The following SLC10A7 variants were observed in gnomAD, a reference collection of about 807,000 sequenced individuals.
SLC10A7 encodes the protein solute carrier family 10 member 7, also known as sodium/bile acid cotransporter 7.
SLC10A7 carries 29 observed loss-of-function variants against 43.2 expected under a neutral mutation model. The observed-to-expected ratio is 0.67, with a 90% confidence interval of 0.50 to 0.92. SLC10A7 has a LOEUF of 0.92. SLC10A7 is among the 40% of genes least tolerant of loss of function. The pLI is 0.00. For missense variants in SLC10A7, 295 were observed against 403.2 expected, an observed-to-expected ratio of 0.73 and a Z score of 2.30; for synonymous variants, 152 against 144.8, an observed-to-expected ratio of 1.05 and a Z score of -0.35.
chr4:146,385,952 T>C (rs752089324), intron 5 of SLC10A7, among the ~76,000 whole-genome samples: 3 of 152,242 alleles, frequency 2.0e-5, no homozygotes, highest in Non-Finnish European at 2.9e-5. Context: ...ATAGTGTATA[T>C]GTACCACATT....
chr4:146,301,933 C>T (rs1312861043), intron 7 of SLC10A7, among the ~76,000 whole-genome samples: 2 of 152,184 alleles, frequency 1.3e-5, no homozygotes, highest in African/African-American at 2.4e-5. Context: ...TTTTGACTAC[C>T]ATTATTACTT....
At chr4:146,313,582 T>C (rs1410983613) in intron 6 of SLC10A7, among the ~76,000 whole-genome samples, 1 of 152,136 alleles carries the variant, frequency 6.6e-6, no homozygotes, top group Non-Finnish European at 1.5e-5. Flanking sequence ...CGTGTGTCCA[T>C]TAATTATGCA....
intron 5 of SLC10A7, among the ~76,000 whole-genome samples, chr4:146,379,301 T>C (rs551611253): frequency 6.6e-6 from 1 of 152,356 alleles, no homozygotes; most frequent in African/African-American, 2.4e-5. Flanking sequence ...TGACCATCTT[T>C]AACACATATA....
At chr4:146,297,522 C>A (rs1730866513) in intron 7 of SLC10A7, among the ~76,000 whole-genome samples, 1 of 152,040 alleles carries the variant, frequency 6.6e-6, no homozygotes, top group Non-Finnish European at 1.5e-5. Flanking sequence ...CTTTTTATTT[C>A]TATTATGTCT....
At chr4:146,480,597 G>A (rs541758974) in intron 4 of SLC10A7, among the ~76,000 whole-genome samples, 2 of 151,912 alleles carry the variant, frequency 1.3e-5, no homozygotes, top group Admixed American at 1.3e-4. Flanking sequence ...AAAAAATGAA[G>A]GCTGGTATAT....
intron 2 of SLC10A7, among the ~76,000 whole-genome samples, chr4:146,510,871 C>T (rs1737397957): frequency 6.6e-6 from 1 of 152,160 alleles, no homozygotes; most frequent in Non-Finnish European, 1.5e-5. Context: ...AAAAATATTT[C>T]CCTCAATGAT....
intron 5 of SLC10A7, among the ~76,000 whole-genome samples, chr4:146,389,801 C>A (rs970779258): frequency 6.6e-6 from 1 of 152,164 alleles, no homozygotes; most frequent in Non-Finnish European, 1.5e-5. Context: ...GGCTATGAAA[C>A]CTTGGGCAAA....
At chr4:146,400,021 G>A (rs902469356) in intron 5 of SLC10A7, among the ~76,000 whole-genome samples, 1 of 152,172 alleles carries the variant, frequency 6.6e-6, no homozygotes, top group African/African-American at 2.4e-5. Flanking sequence ...AGGACCCACA[G>A]CCAGGCCTGA....
intron 4 of SLC10A7, among the ~76,000 whole-genome samples, chr4:146,465,119 T>C (rs377188125): frequency 1.3e-5 from 2 of 152,148 alleles, no homozygotes; most frequent in South Asian, 2.1e-4. Flanking sequence ...TCCAACAAAG[T>C]ATCAGACAGC....
chr4:146,324,892 T>A (rs555554461), intron 6 of SLC10A7, among the ~76,000 whole-genome samples: 189 of 152,296 alleles, frequency 1.2e-3, no homozygotes, highest in African/African-American at 4.4e-3. Flanking sequence ...TCTTACCTTG[T>A]CAAAATGGAG....
chr4:146,308,700 GAAGT>G (rs779084039), intron 6 of SLC10A7, among the ~76,000 whole-genome samples: 14 of 152,096 alleles, frequency 9.2e-5, no homozygotes, highest in Non-Finnish European at 1.6e-4. Flanking sequence ...GGCAGATTTA[GAAGT>G]AATATGTCTC....
At chr4:146,353,062 A>C (rs1735257897) in intron 5 of SLC10A7, among the ~76,000 whole-genome samples, 1 of 151,730 alleles carries the variant, frequency 6.6e-6, no homozygotes, top group African/African-American at 2.4e-5. Flanking sequence ...GAAATAGAGA[A>C]ACAAAAAACC....
intron 5 of SLC10A7, among the ~76,000 whole-genome samples, chr4:146,351,472 T>A (rs1450744012): frequency 2.6e-5 from 4 of 151,006 alleles, no homozygotes; most frequent in African/African-American, 7.3e-5. Flanking sequence ...CAGGATATTA[T>A]CCAGGAGAAC....
At chr4:146,365,680 A>T (rs547615922) in intron 5 of SLC10A7, among the ~76,000 whole-genome samples, 198 of 152,350 alleles carry the variant, frequency 1.3e-3, no homozygotes, top group African/African-American at 4.6e-3. Context: ...CTGTTCCTCA[A>T]TATTTAGCAA....
chr4:146,303,157 A>T (rs1181699848), intron 7 of SLC10A7, among the ~76,000 whole-genome samples: 1 of 152,090 alleles, frequency 6.6e-6, no homozygotes, highest in Non-Finnish European at 1.5e-5. Flanking sequence ...CACAACTCTG[A>T]GGGGTCATTC....
intron 9 of SLC10A7, among the ~76,000 whole-genome samples, chr4:146,289,864 C>G (rs527979787): frequency 1.3e-5 from 2 of 149,930 alleles, no homozygotes; most frequent in African/African-American, 4.9e-5. Context: ...TACAGGTGCA[C>G]GCCACCACGC....
intron 9 of SLC10A7, among the ~76,000 whole-genome samples, chr4:146,285,987 T>C (rs1389561451): frequency 2.0e-5 from 3 of 147,954 alleles, no homozygotes. Context: ...TGAGAAGGAC[T>C]GTGTTTGGAG....
At chr4:146,441,674 A>C (rs1172702378) in intron 5 of SLC10A7, 1 of 984,370 alleles carries the variant, frequency 1.0e-6, no homozygotes, top group Admixed American at 6.2e-5. Context: ...ATTTTTGTTA[A>C]ACAGACTTTA....
intron 4 of SLC10A7, among the ~76,000 whole-genome samples, chr4:146,483,894 T>A (rs1047857088): frequency 6.6e-6 from 1 of 152,200 alleles, no homozygotes; most frequent in Non-Finnish European, 1.5e-5. Flanking sequence ...AGGTTTTTAT[T>A]AAATGATAAA....
Sources: gnomAD v4.1 joint callset for allele counts (sites outside exome capture counted in the v4.1 genomes callset) on GRCh38, gnomAD v4.1.1 for gene constraint, MANE v1.5 for transcripts, NCBI Gene and HGNC (gene_info 2026-07-23, HGNC 2026-07-21) for gene names.